The following GRID2 variants were observed in gnomAD, a reference collection of about 807,000 sequenced individuals.
The protein encoded by GRID2 is glutamate receptor ionotropic, delta-2.
In GRID2, 33 loss-of-function variants were observed where a neutral mutation model predicts 114.8. That is an observed-to-expected ratio of 0.29 (90% CI 0.22 to 0.38). The LOEUF is 0.38. Ranked by LOEUF, GRID2 falls within the 10% of genes least tolerant of loss-of-function variation. The pLI is 1.00. For missense variants in GRID2, 1,184 were observed against 1,257.7 expected (o/e 0.94, Z 0.89); for synonymous variants, 505 against 449.9 (o/e 1.12, Z -1.55).
intron 2 of GRID2, among the ~76,000 whole-genome samples, chr4:92,721,829 A>G (rs1328941394): frequency 4.6e-5 from 7 of 152,198 alleles, no homozygotes; most frequent in African/African-American, 1.4e-4. Context: ...ACTGGATGAC[A>G]TTTATGCCCT....
At chr4:93,316,295 A>AGAAC (rs1342972313) in intron 8 of GRID2, among the ~76,000 whole-genome samples, 1,261 of 47,524 alleles carry the variant, frequency 0.027, 7 homozygotes, top group Middle Eastern at 0.048. Context: ...AAAGAACGAA[A>AGAAC]GAAAGAAAGA....
chr4:92,414,724 G>T (rs1458994234), intron 1 of GRID2, among the ~76,000 whole-genome samples: 22 of 152,084 alleles, frequency 1.4e-4, no homozygotes, highest in Non-Finnish European at 1.5e-5. Flanking sequence ...AGAATAACAT[G>T]TGGATGCTGC....
intron 2 of GRID2, among the ~76,000 whole-genome samples, chr4:92,688,454 C>T (rs928432787): frequency 6.6e-6 from 1 of 152,156 alleles, no homozygotes; most frequent in Non-Finnish European, 1.5e-5. Context: ...TCTGCAGCTG[C>T]TGTATCAACT....
chr4:92,305,242 C>T (rs1056250224), intron 1 of GRID2, among the ~76,000 whole-genome samples: 9 of 152,148 alleles, frequency 5.9e-5, no homozygotes, highest in Admixed American at 2.6e-4. Context: ...CTGAGTTCGC[C>T]GCAGCTTAGT....
At chr4:92,733,600 C>G (rs1332945046) in intron 2 of GRID2, among the ~76,000 whole-genome samples, 3 of 152,122 alleles carry the variant, frequency 2.0e-5, no homozygotes, top group South Asian at 2.1e-4. Flanking sequence ...CTAGACATCT[C>G]ACTGGCAAGG....
chr4:93,212,216 A>T (rs1743607445), intron 5 of GRID2, among the ~76,000 whole-genome samples: 1 of 152,180 alleles, frequency 6.6e-6, no homozygotes, highest in South Asian at 2.1e-4. Context: ...TTTTGTTGCT[A>T]ATTTTAAAAT....
At chr4:93,490,308 C>A (rs944580587) in intron 11 of GRID2, among the ~76,000 whole-genome samples, 3 of 151,760 alleles carry the variant, frequency 2.0e-5, no homozygotes, top group African/African-American at 7.3e-5. Flanking sequence ...TTAATGTCAC[C>A]TAACTAATGA....
At chr4:93,763,375 A>G (rs1287196142) in intron 14 of GRID2, among the ~76,000 whole-genome samples, 2 of 152,140 alleles carry the variant, frequency 1.3e-5, no homozygotes, top group Non-Finnish European at 2.9e-5. Flanking sequence ...CTCAGTAGGC[A>G]CAGTCCTCCT....
intron 2 of GRID2, among the ~76,000 whole-genome samples, chr4:92,989,364 G>A (rs1174203521): frequency 1.3e-5 from 2 of 148,432 alleles, no homozygotes; most frequent in African/African-American, 4.9e-5. Flanking sequence ...GTGTATATAT[G>A]TATATGTACA....
intron 2 of GRID2, among the ~76,000 whole-genome samples, chr4:92,817,955 A>G (rs1183142315): frequency 6.6e-6 from 1 of 152,168 alleles, no homozygotes; most frequent in East Asian, 1.9e-4. Flanking sequence ...AGTCAGGCCA[A>G]TGCTATGTTT....
At chr4:93,013,212 A>G (rs1722356761) in intron 2 of GRID2, among the ~76,000 whole-genome samples, 1 of 152,088 alleles carries the variant, frequency 6.6e-6, no homozygotes, top group Non-Finnish European at 1.5e-5. Flanking sequence ...TGACATAACG[A>G]AAAACATCTA....
chr4:93,042,281 C>T (rs1237275714), intron 2 of GRID2, among the ~76,000 whole-genome samples: 31 of 64,952 alleles, frequency 4.8e-4, no homozygotes, highest in African/African-American at 1.1e-3. Flanking sequence ...CTCTTTCTCT[C>T]TCTCTCTCTC....
intron 4 of GRID2, among the ~76,000 whole-genome samples, chr4:93,158,411 A>T (rs1462086151): frequency 1.3e-5 from 2 of 151,790 alleles, no homozygotes; most frequent in African/African-American, 4.8e-5. Context: ...TCATTGTCAC[A>T]TGATAGCTTT....
intron 4 of GRID2, among the ~76,000 whole-genome samples, chr4:93,130,395 C>T (rs747526543): frequency 5.9e-5 from 9 of 152,080 alleles, no homozygotes; most frequent in Non-Finnish European, 1.3e-4. Context: ...GAGCCATGTT[C>T]GCACCACCAC....
intron 2 of GRID2, among the ~76,000 whole-genome samples, chr4:92,927,591 G>A (rs1044903048): frequency 4.0e-5 from 6 of 151,784 alleles, no homozygotes; most frequent in Admixed American, 6.6e-5. Flanking sequence ...TTACTGGACA[G>A]TAACCATGCC....
chr4:93,242,317 A>C (rs1579399597), intron 8 of GRID2, among the ~76,000 whole-genome samples: 1 of 20,744 alleles, frequency 4.8e-5, no homozygotes, highest in Non-Finnish European at 9.9e-5. Flanking sequence ...AATGCCAGGG[A>C]GGGCTATTGG....
intron 1 of GRID2, among the ~76,000 whole-genome samples, chr4:92,378,210 C>A (rs1264888638): frequency 6.6e-6 from 1 of 151,870 alleles, no homozygotes; most frequent in Non-Finnish European, 1.5e-5. Flanking sequence ...TAAGTCATCA[C>A]CCCCAGCCCT....
At chr4:92,902,186 C>A (rs1747629907) in intron 2 of GRID2, among the ~76,000 whole-genome samples, 1 of 152,056 alleles carries the variant, frequency 6.6e-6, no homozygotes. Flanking sequence ...TTACATATTT[C>A]TGGAAATTCA....
rs536023655 is a variant in GRID2 at position 93,444,900 on chromosome 4, G to C, written c.1546-10762G>C. 2.0e-5 allele frequency among the ~76,000 whole-genome samples: 3 copies of C among 152,116 alleles called. No homozygotes were observed. In the East Asian group the frequency reaches 5.8e-4, roughly 30 times the overall value. ...CAATCTCAAAACAGTGTTTACATAT[G>C]AGGAAATGTAGCGATGACTGTTCAT... On this transcript the variant is annotated intron_variant, in intron 10 of 15. Coordinates refer to ENST00000282020, the MANE Select transcript of GRID2 (RefSeq NM_001510.4).
Sources: gnomAD v4.1 joint callset for allele counts (sites outside exome capture counted in the v4.1 genomes callset) on GRCh38, gnomAD v4.1.1 for gene constraint, MANE v1.5 for transcripts, NCBI Gene and HGNC (gene_info 2026-07-23, HGNC 2026-07-21) for gene names.